ADGRL3: variants seen among roughly 807,000 people sequenced by gnomAD.
ADGRL3 encodes the protein calcium-independent alpha-latrotoxin receptor 3.
Under a neutral mutation model 153.5 loss-of-function variants are expected in ADGRL3, and 62 were observed. That is an observed-to-expected ratio of 0.40 (90% CI 0.33 to 0.50). The LOEUF (loss-of-function observed/expected upper bound fraction) is 0.50. Among genes scored for constraint, ADGRL3 ranks in the 20% least tolerant of loss-of-function variants. The pLI, the probability that ADGRL3 is intolerant of heterozygous loss-of-function variation, is 0.47. For missense variants in ADGRL3, 1,641 were observed against 1,859.4 expected (o/e 0.88, Z 2.16); for synonymous variants, 710 against 672.5 (o/e 1.06, Z -0.86).
At chr4:61,371,252 T>TGAATATGTAAAGTTAATA (rs1560533409) in intron 1 of ADGRL3, among the ~76,000 whole-genome samples, 1 of 151,710 alleles carries the variant, frequency 6.6e-6, no homozygotes, top group Non-Finnish European at 1.5e-5. Context: ...TAGTGTTATG[T>TGAATATGTAAAGTTAATA]GTGAATTTGA....
At chr4:61,876,139 T>C (rs2098473800) in intron 9 of ADGRL3, among the ~76,000 whole-genome samples, 1 of 152,236 alleles carries the variant, frequency 6.6e-6, no homozygotes, top group African/African-American at 2.4e-5. Context: ...CCTATATGTT[T>C]GCACTGCTTG....
chr4:61,856,952 C>CTTTCTTT (rs1195542093), intron 9 of ADGRL3, among the ~76,000 whole-genome samples: 2 of 33,960 alleles, frequency 5.9e-5, no homozygotes, highest in South Asian at 3.7e-3. Context: ...TTCTTCTTCT[C>CTTTCTTT]TTTCTTTCTT....
intron 25 of ADGRL3, among the ~76,000 whole-genome samples, chr4:62,045,247 C>T (rs1414321658): frequency 1.3e-5 from 2 of 151,676 alleles, no homozygotes; most frequent in African/African-American, 4.8e-5. Context: ...CTCTCTCAAC[C>T]TCTCTCTCTT....
intron 1 of ADGRL3, among the ~76,000 whole-genome samples, chr4:61,298,144 G>A (rs1006210635): frequency 2.6e-4 from 40 of 151,928 alleles, no homozygotes; most frequent in Non-Finnish European, 5.1e-4. Flanking sequence ...TAATTAAATT[G>A]AGTATGTTTT....
At chr4:61,417,634 A>T (rs1429149985) in intron 2 of ADGRL3, among the ~76,000 whole-genome samples, 1 of 152,098 alleles carries the variant, frequency 6.6e-6, no homozygotes, top group East Asian at 1.9e-4. Flanking sequence ...TCTTGAAAAA[A>T]TTTAGAAAAA....
At chr4:61,742,527 A>G (rs6835449) in intron 8 of ADGRL3, among the ~76,000 whole-genome samples, 13,179 of 151,854 alleles carry the variant, frequency 0.087, 1,217 homozygotes, top group African/African-American at 0.23. Flanking sequence ...TGATCCACCC[A>G]TCTCGGCCTC....
chr4:61,665,866 G>T (rs1447250614), intron 5 of ADGRL3, among the ~76,000 whole-genome samples: 1 of 152,090 alleles, frequency 6.6e-6, no homozygotes, highest in African/African-American at 2.4e-5. Flanking sequence ...TACCAAGTGG[G>T]AGATAAAACA....
intron 9 of ADGRL3, among the ~76,000 whole-genome samples, chr4:61,839,868 T>G (rs2098001151): frequency 2.0e-5 from 3 of 151,766 alleles, no homozygotes. Context: ...GAGGATCACT[T>G]GAGCTCAGGA....
chr4:61,845,490 A>C (rs754272191), intron 9 of ADGRL3, among the ~76,000 whole-genome samples: 1 of 151,556 alleles, frequency 6.6e-6, no homozygotes, highest in Admixed American at 6.6e-5. Context: ...AGCTAGGACT[A>C]CAGGTGCATG....
intron 2 of ADGRL3, among the ~76,000 whole-genome samples, chr4:61,451,784 T>C (rs1451119192): frequency 6.6e-6 from 1 of 152,216 alleles, no homozygotes; most frequent in Non-Finnish European, 1.5e-5. Context: ...AGTTTTGATA[T>C]ATTCTGGTTA....
chr4:61,425,157 A>G (rs1038400525), intron 2 of ADGRL3, among the ~76,000 whole-genome samples: 1 of 152,104 alleles, frequency 6.6e-6, no homozygotes, highest in Non-Finnish European at 1.5e-5. Flanking sequence ...CCCCATGTTG[A>G]CACCATCCCA....
At chr4:61,441,618 CA>C (rs903780031) in intron 2 of ADGRL3, among the ~76,000 whole-genome samples, 1 of 151,836 alleles carries the variant, frequency 6.6e-6, no homozygotes, top group African/African-American at 2.4e-5. Context: ...CTCCTGGGTT[CA>C]AGCAATTCTC....
chr4:61,963,824 A>T (rs945300074), intron 17 of ADGRL3, among the ~76,000 whole-genome samples: 1 of 152,182 alleles, frequency 6.6e-6, no homozygotes, highest in African/African-American at 2.4e-5. Context: ...AATTGGCTAA[A>T]AATAGCAGCT....
chr4:61,947,201 C>A (rs1371902501), intron 16 of ADGRL3, 79 bp downstream of exon 16: 12 of 1,160,634 alleles, frequency 1.0e-5, no homozygotes, highest in Non-Finnish European at 1.4e-5. Flanking sequence ...TATTAATTTT[C>A]TTTTAATGTT....
chr4:61,609,377 A>G (rs2099044584), intron 5 of ADGRL3, among the ~76,000 whole-genome samples: 2 of 152,144 alleles, frequency 1.3e-5, no homozygotes, highest in African/African-American at 4.8e-5. Flanking sequence ...ATTTTGGACT[A>G]CACCCTAAAG....
intron 11 of ADGRL3, 81 bp from the exon 12 acceptor site, chr4:61,909,479 T>A (rs1171800126): frequency 2.1e-6 from 2 of 943,078 alleles, no homozygotes; most frequent in Non-Finnish European, 3.2e-6. Flanking sequence ...TACAATTACA[T>A]GCAAACATGA....
chr4:62,011,656 T>A (rs12510264), intron 21 of ADGRL3, among the ~76,000 whole-genome samples: 4 of 152,074 alleles, frequency 2.6e-5, no homozygotes, highest in Admixed American at 1.3e-4. Context: ...TGTCTGGATC[T>A]GTATCAAATA....
At chr4:61,552,906 G>A (rs913187106) in intron 4 of ADGRL3, among the ~76,000 whole-genome samples, 8 of 152,010 alleles carry the variant, frequency 5.3e-5, no homozygotes, top group African/African-American at 1.2e-4. Context: ...AGCTTTCTTT[G>A]TATTGGTCTA....
At chr4:61,794,022 T>C (rs954907290) in intron 8 of ADGRL3, among the ~76,000 whole-genome samples, 6 of 152,180 alleles carry the variant, frequency 3.9e-5, no homozygotes, top group East Asian at 1.9e-4. Context: ...CATTGAATCA[T>C]TGGAAATCTA....
Sources: gnomAD v4.1 joint callset for allele counts (sites outside exome capture counted in the v4.1 genomes callset) on GRCh38, gnomAD v4.1.1 for gene constraint, MANE v1.5 for transcripts, NCBI Gene and HGNC (gene_info 2026-07-23, HGNC 2026-07-21) for gene names.